The following WASF1 variants were observed in gnomAD, a reference collection of about 807,000 sequenced individuals.
WASF1 encodes the protein actin-binding protein WASF1.
WASF1 carries 7 observed loss-of-function variants against 50.5 expected under a neutral mutation model. That is an observed-to-expected ratio of 0.14 (90% confidence interval 0.08 to 0.26). The LOEUF is 0.26. WASF1 is among the 10% of genes least tolerant of loss of function. WASF1 has a pLI of 1.00. For missense variants in WASF1, 470 were observed against 694.7 expected (o/e 0.68, Z 3.64); for synonymous variants, 205 against 244.0 (o/e 0.84, Z 1.49).
At chr6:110,146,870 C>T (rs1775587922) in intron 3 of WASF1, among the ~76,000 whole-genome samples, 1 of 151,980 alleles carries the variant, frequency 6.6e-6, no homozygotes, top group Admixed American at 6.6e-5. Flanking sequence ...ACTCACTACT[C>T]ATGAATCTCT....
chr6:110,108,386 CA>C, intron 6 of WASF1, 141 bp downstream of exon 6: 1 of 743,722 alleles, frequency 1.3e-6, no homozygotes, highest in African/African-American at 1.8e-5. Flanking sequence ...TGAATAAAAG[CA>C]AAGGTTTTCC....
chr6:110,123,330 C>T (rs76522487), intron 4 of WASF1, among the ~76,000 whole-genome samples: 35,265 of 151,530 alleles, frequency 0.23, 6,222 homozygotes, highest in African/African-American at 0.5. Flanking sequence ...CTTGTTACAA[C>T]TTCTGAAAAA....
intron 3 of WASF1, among the ~76,000 whole-genome samples, chr6:110,148,636 A>G (rs1775687909): frequency 6.6e-6 from 1 of 152,120 alleles, no homozygotes; most frequent in Non-Finnish European, 1.5e-5. Flanking sequence ...GGTCATATTG[A>G]CGATTTTCTA....
At chr6:110,119,557 C>A (rs757198899) in intron 4 of WASF1, among the ~76,000 whole-genome samples, 1 of 152,008 alleles carries the variant, frequency 6.6e-6, no homozygotes, top group Non-Finnish European at 1.5e-5. Flanking sequence ...AATAGCCTAC[C>A]AACCAAAAAA....
At chr6:110,117,175 T>C (rs1482500822) in intron 4 of WASF1, among the ~76,000 whole-genome samples, 3 of 152,116 alleles carry the variant, frequency 2.0e-5, no homozygotes, top group African/African-American at 7.2e-5. Flanking sequence ...GATGAGTTGA[T>C]AGAAGTAGGC....
chr6:110,155,398 G>A (rs985206532), intron 3 of WASF1, among the ~76,000 whole-genome samples: 5 of 151,810 alleles, frequency 3.3e-5, no homozygotes, highest in African/African-American at 4.8e-5. Context: ...GCAAATCTAG[G>A]ATCAATAGCT....
At chr6:110,101,061 G>T (rs1400272353) in intron 10 of WASF1, among the ~76,000 whole-genome samples, 1 of 152,118 alleles carries the variant, frequency 6.6e-6, no homozygotes, top group Admixed American at 6.5e-5. Flanking sequence ...TGAGGGAAAG[G>T]CACTATTATT....
At chr6:110,115,331 G>A (rs1400316509) in intron 4 of WASF1, among the ~76,000 whole-genome samples, 1 of 152,040 alleles carries the variant, frequency 6.6e-6, no homozygotes, top group Non-Finnish European at 1.5e-5. Flanking sequence ...TTTATCATCA[G>A]AACTGCCCTT....
chr6:110,155,574 C>CT (rs1776033663), intron 3 of WASF1, among the ~76,000 whole-genome samples: 10 of 49,666 alleles, frequency 2.0e-4, no homozygotes, highest in East Asian at 7.4e-4. Flanking sequence ...TTATTATACT[C>CT]TAAGTTTTAG....
chr6:110,119,983 T>C (rs1774016631), intron 4 of WASF1, among the ~76,000 whole-genome samples: 1 of 152,152 alleles, frequency 6.6e-6, no homozygotes, highest in Non-Finnish European at 1.5e-5. Context: ...TTCAACAAAA[T>C]TCAACACCCC....
At chr6:110,165,445 CGTGT>C (rs1202490842) in intron 2 of WASF1, among the ~76,000 whole-genome samples, 2 of 151,552 alleles carry the variant, frequency 1.3e-5, no homozygotes, top group African/African-American at 4.8e-5. Flanking sequence ...AATTTTAACT[CGTGT>C]GTATCTTACC....
chr6:110,172,995 G>A (rs1428584301), intron 2 of WASF1, among the ~76,000 whole-genome samples: 1 of 152,000 alleles, frequency 6.6e-6, no homozygotes, highest in Non-Finnish European at 1.5e-5. Context: ...CTCCCTTTTC[G>A]TTTAACCCTT....
Position 110,108,493 on chromosome 6 carries a change from T to C in WASF1, c.422+35A>G, listed in dbSNP as rs374402596. On this transcript the variant is annotated intron_variant, in intron 6 of 10. Coordinates refer to ENST00000392589, the MANE Select transcript of WASF1 (RefSeq NM_003931.3). ...TAGCATTTCAATCTGAAGTCTGAGA[T>C]AAATAATAGGGCTACTATTTATTAA... 4 of 1,552,478 alleles carry C rather than the reference T, an allele frequency of 2.6e-6. No individual in the cohort carries two copies. In the African/African-American group the frequency reaches 5.5e-5, roughly 21 times the overall value.
intron 10 of WASF1, 102 bp from the exon 11 acceptor site, chr6:110,100,781 T>C (rs148246448): frequency 1.2e-5 from 15 of 1,221,244 alleles, no homozygotes; most frequent in African/African-American, 6.2e-5. Context: ...GAAATACTTA[T>C]AGGAAAATAA....
At position 110,136,990 on chromosome 6, in the gene WASF1, T is replaced by G. The variant is rs536645851; in HGVS notation, c.-28-9361A>C. Among the ~76,000 whole-genome samples, 18 of 152,342 alleles carry G rather than the reference T, an allele frequency of 1.2e-4. No individual in the cohort carries two copies. In the South Asian group the frequency reaches 3.7e-3, roughly 32 times the overall value. Reference sequence around the variant, plus strand: ...TGTCTCAGTTTGTAATTATGTATCTTCATGATTGATTTCTGTCTCCTTTAT... The same window carrying G: ...TGTCTCAGTTTGTAATTATGTATCTGCATGATTGATTTCTGTCTCCTTTAT... On this transcript the variant is annotated intron_variant, in intron 3 of 10. Transcript: ENST00000392589.
chr6:110,121,805 C>A (rs1774142838), intron 4 of WASF1, among the ~76,000 whole-genome samples: 1 of 152,068 alleles, frequency 6.6e-6, no homozygotes, highest in Non-Finnish European at 1.5e-5. Flanking sequence ...CAATGATAGA[C>A]TGGATTAAGA....
intron 3 of WASF1, among the ~76,000 whole-genome samples, chr6:110,154,536 C>G (rs1453908298): frequency 6.6e-6 from 1 of 151,974 alleles, no homozygotes; most frequent in African/African-American, 2.4e-5. Context: ...GATTGAATTT[C>G]CATACAGAAG....
chr6:110,155,309 C>T lies in WASF1; in HGVS notation c.-29+5326G>A, dbSNP rs535122414. On this transcript the variant is annotated intron_variant, in intron 3 of 10. Transcript: ENST00000392589. The stretch of plus-strand genomic sequence containing the variant: ...CTATAAGCACAAACTGGAACAGAAA[C>T]TAAAAAGGTAGATTTGGTTAAACTA... 4.0e-5 allele frequency among the ~76,000 whole-genome samples: 6 copies of T among 150,526 alleles called. No homozygotes were observed. In the Admixed American group the frequency reaches 4.0e-4, roughly 10 times the overall value.
At chr6:110,152,605 T>C (rs1253705894) in intron 3 of WASF1, among the ~76,000 whole-genome samples, 2 of 152,104 alleles carry the variant, frequency 1.3e-5, no homozygotes, top group Non-Finnish European at 2.9e-5. Flanking sequence ...TGCAAGGTGA[T>C]TGTTCCCCAG....
Sources: allele counts gnomAD v4.1 joint callset (sites outside exome capture counted in the v4.1 genomes callset), GRCh38; gene constraint gnomAD v4.1.1; transcripts MANE v1.5; gene names NCBI Gene and HGNC (gene_info 2026-07-23, HGNC 2026-07-21).